The following RABGAP1L variants were observed in gnomAD, a reference collection of about 807,000 sequenced individuals.
The protein encoded by RABGAP1L is RAB GTPase activating protein 1 like, also known as rab GTPase-activating protein 1-like.
A neutral mutation model predicts 137.7 loss-of-function variants in RABGAP1L; 63 were observed. The observed-to-expected ratio is 0.46, with a 90% CI of 0.37 to 0.56. The LOEUF (loss-of-function observed/expected upper bound fraction) is 0.56. Ranked by LOEUF, RABGAP1L falls within the 20% of genes least tolerant of loss-of-function variation. The pLI is 0.00. For synonymous variants in RABGAP1L, 431 were observed against 433.7 expected, an observed-to-expected ratio of 0.99 and a Z score of 0.08; for missense variants, 1,095 against 1,244.0, an observed-to-expected ratio of 0.88 and a Z score of 1.80.
intron 1 of RABGAP1L, among the ~76,000 whole-genome samples, chr1:174,177,453 T>C (rs565194104): frequency 6.6e-6 from 1 of 152,338 alleles, no homozygotes; most frequent in South Asian, 2.1e-4. Context: ...TGATGATAGT[T>C]TCTTTTGCTG....
At chr1:174,776,747 G>T (rs79056489) in intron 18 of RABGAP1L, among the ~76,000 whole-genome samples, 3,383 of 152,254 alleles carry the variant, frequency 0.022, 55 homozygotes, top group Middle Eastern at 0.085. Flanking sequence ...ATCACAAACT[G>T]GAGTCAGAAG....
chr1:174,775,879 G>GA (rs1371030190), intron 18 of RABGAP1L, among the ~76,000 whole-genome samples: 1 of 152,142 alleles, frequency 6.6e-6, no homozygotes, highest in Non-Finnish European at 1.5e-5. Flanking sequence ...AAAGTGGTAG[G>GA]AAAAATATAA....
intron 13 of RABGAP1L, among the ~76,000 whole-genome samples, chr1:174,509,839 T>G (rs1662167767): frequency 6.6e-6 from 1 of 152,196 alleles, no homozygotes; most frequent in Non-Finnish European, 1.5e-5. Context: ...ACACCATCAG[T>G]CACTTTTGAA....
chr1:174,909,408 G>A (rs940153562), intron 19 of RABGAP1L, among the ~76,000 whole-genome samples: 1 of 152,038 alleles, frequency 6.6e-6, no homozygotes, highest in African/African-American at 2.4e-5. Context: ...TTAAATATTT[G>A]TGGAGATGAA....
chr1:174,398,612 TTTTAAA>T (rs1290048739), intron 13 of RABGAP1L, among the ~76,000 whole-genome samples: 3 of 152,160 alleles, frequency 2.0e-5, no homozygotes, highest in African/African-American at 7.2e-5. Flanking sequence ...TCTATCACCC[TTTTAAA>T]GACTTTTTCT....
intron 13 of RABGAP1L, chr1:174,547,961 T>G: frequency 1.3e-6 from 2 of 1,550,570 alleles, no homozygotes; most frequent in Non-Finnish European, 1.7e-6. Context: ...GATGTTCTGA[T>G]TACTTATACT....
chr1:174,362,092 T>C (rs895429433), intron 11 of RABGAP1L, among the ~76,000 whole-genome samples: 5 of 152,244 alleles, frequency 3.3e-5, no homozygotes, highest in African/African-American at 1.2e-4. Context: ...TCTCCATCCA[T>C]GTCCCTGCAA....
At chr1:174,438,744 G>GTGTGTATATATATATATA (rs1161311071) in intron 13 of RABGAP1L, among the ~76,000 whole-genome samples, 2 of 95,456 alleles carry the variant, frequency 2.1e-5, no homozygotes, top group African/African-American at 9.5e-5. Context: ...GTGTGTGTGT[G>GTGTGTATATATATATATA]TATATATATA....
intron 18 of RABGAP1L, among the ~76,000 whole-genome samples, chr1:174,762,539 G>A (rs554378259): frequency 6.6e-6 from 1 of 152,306 alleles, no homozygotes; most frequent in South Asian, 2.1e-4. Flanking sequence ...CTATTTGACA[G>A]TCCTTTGCAT....
intron 15 of RABGAP1L, among the ~76,000 whole-genome samples, chr1:174,698,170 A>T (rs1020742504): frequency 6.6e-6 from 1 of 152,234 alleles, no homozygotes; most frequent in African/African-American, 2.4e-5. Flanking sequence ...TTTAAAGTAG[A>T]TGTTTGTATA....
At chr1:174,508,070 T>C (rs919904578) in intron 13 of RABGAP1L, among the ~76,000 whole-genome samples, 2 of 152,136 alleles carry the variant, frequency 1.3e-5, no homozygotes, top group African/African-American at 2.4e-5. Flanking sequence ...ATTATGAGTG[T>C]TCAAACAAAT....
At chr1:174,670,464 T>TA (rs1464354568) in intron 14 of RABGAP1L, among the ~76,000 whole-genome samples, 2 of 152,174 alleles carry the variant, frequency 1.3e-5, no homozygotes, top group African/African-American at 2.4e-5. Flanking sequence ...GTCACCCTGT[T>TA]ATGCTATCAA....
chr1:174,807,887 A>G (rs2148845859), intron 18 of RABGAP1L, among the ~76,000 whole-genome samples: 1 of 152,070 alleles, frequency 6.6e-6, no homozygotes, highest in East Asian at 1.9e-4. Flanking sequence ...GCTTAAGGCC[A>G]GGAGTTTGAG....
intron 13 of RABGAP1L, among the ~76,000 whole-genome samples, chr1:174,628,354 T>TA (rs1477384429): frequency 6.6e-6 from 1 of 152,202 alleles, no homozygotes; most frequent in Non-Finnish European, 1.5e-5. Context: ...GGTATACAGA[T>TA]ACAGAAGGAT....
At chr1:174,355,475 A>G (rs1571375394) in intron 11 of RABGAP1L, among the ~76,000 whole-genome samples, 4 of 108,510 alleles carry the variant, frequency 3.7e-5, no homozygotes, top group Admixed American at 9.8e-5. Context: ...GGGTGGGGGG[A>G]GTGGGGAGGG....
chr1:174,279,833 T>A (rs560721081), intron 10 of RABGAP1L, among the ~76,000 whole-genome samples: 1 of 152,134 alleles, frequency 6.6e-6, no homozygotes, highest in African/African-American at 2.4e-5. Context: ...CCTTCTTTTT[T>A]AAAAAAATAG....
intron 13 of RABGAP1L, among the ~76,000 whole-genome samples, chr1:174,408,562 T>G (rs189534059): frequency 6.6e-6 from 1 of 152,304 alleles, no homozygotes; most frequent in Admixed American, 6.5e-5. Flanking sequence ...ATATTTGTTT[T>G]CTTTTGGATA....
intron 19 of RABGAP1L, among the ~76,000 whole-genome samples, chr1:174,819,901 G>A (rs1298651207): frequency 6.6e-6 from 1 of 152,190 alleles, no homozygotes; most frequent in Non-Finnish European, 1.5e-5. Flanking sequence ...TTACAAGCTG[G>A]AGGGAATAGG....
chr1:174,516,649 T>A (rs915792867), intron 13 of RABGAP1L, among the ~76,000 whole-genome samples: 4 of 152,182 alleles, frequency 2.6e-5, no homozygotes, highest in African/African-American at 9.7e-5. Context: ...GAGTACACAC[T>A]GTGTGCCAAG....
Sources: gnomAD v4.1 joint callset for allele counts (sites outside exome capture counted in the v4.1 genomes callset) on GRCh38, gnomAD v4.1.1 for gene constraint, MANE v1.5 for transcripts, NCBI Gene and HGNC (gene_info 2026-07-23, HGNC 2026-07-21) for gene names.